Variants in GRK3 observed in about 807,000 individuals in gnomAD.
GRK3 encodes the protein adrenergic, beta, receptor kinase 2.
A neutral mutation model predicts 95.7 loss-of-function variants in GRK3; 54 were observed. The observed-to-expected ratio is 0.56, with a 90% CI of 0.45 to 0.71. GRK3 has a LOEUF of 0.71. Ranked by LOEUF, GRK3 falls within the 30% of genes least tolerant of loss-of-function variation. The pLI, the probability that GRK3 is intolerant of heterozygous loss-of-function variation, is 0.00. For synonymous variants in GRK3, 281 were observed against 290.8 expected (o/e 0.97, Z 0.34); for missense variants, 649 against 851.2 (o/e 0.76, Z 2.96).
At chr22:25,682,747 A>G (rs539633041) in intron 9 of GRK3, among the ~76,000 whole-genome samples, 1 of 152,228 alleles carries the variant, frequency 6.6e-6, no homozygotes, top group African/African-American at 2.4e-5. Context: ...ATGAATTTTC[A>G]TAAGGGAATA....
chr22:25,654,773 A>G (rs962659452), intron 3 of GRK3, among the ~76,000 whole-genome samples: 2 of 152,162 alleles, frequency 1.3e-5, no homozygotes, highest in African/African-American at 4.8e-5. Context: ...CTTATTGCAG[A>G]TATGGTGGTG....
chr22:25,634,747 G>T (rs944775826), intron 2 of GRK3, among the ~76,000 whole-genome samples: 3 of 152,044 alleles, frequency 2.0e-5, no homozygotes, highest in Admixed American at 6.6e-5. Flanking sequence ...ATTATAAAAG[G>T]AATAAATATT....
intron 2 of GRK3, among the ~76,000 whole-genome samples, 153 bp downstream of exon 2, chr22:25,604,606 A>G (rs2084431514): frequency 6.6e-6 from 1 of 152,254 alleles, no homozygotes; most frequent in South Asian, 2.1e-4. Flanking sequence ...AAGGTATTTA[A>G]TGATGACTTA....
chr22:25,584,252 A>G (rs1932210407), intron 1 of GRK3, among the ~76,000 whole-genome samples: 2 of 152,272 alleles, frequency 1.3e-5, no homozygotes, highest in African/African-American at 4.8e-5. Flanking sequence ...TGAAAATGTT[A>G]CATGGAAAAT....
intron 18 of GRK3, among the ~76,000 whole-genome samples, chr22:25,714,870 C>G (rs887333351): frequency 6.6e-6 from 1 of 152,042 alleles, no homozygotes; most frequent in Non-Finnish European, 1.5e-5. Context: ...ATGACAGTGT[C>G]TGGAGTGGGG....
In GRK3 at chr22:25,687,656, A is replaced by C. The variant is rs1569195664; in HGVS notation, c.946A>C (p.Arg316=). The change falls in exon 11 of 21, where the codon AGA becomes CGA. Residue 316 remains arginine, a synonymous_variant. Coordinates refer to ENST00000324198, the MANE Select transcript of GRK3 (RefSeq NM_005160.4). ...EHMHNRFVVY[R]DLKPANILLD... is the part of the protein sequence containing the mutation. ...CATGCACAATCGGTTTGTTGTCTAC[A>C]GAGATTTGAAGGTGAGGACGATTGA... 1 of 1,614,152 alleles carries C rather than the reference A, an allele frequency of 6.2e-7. No individual in the cohort carries two copies. Among genetic ancestry groups the C allele is most frequent in the Non-Finnish European group, 8.5e-7 (1 of 1,179,998 alleles).
At chr22:25,670,951 G>A (rs2146412241) in intron 6 of GRK3, among the ~76,000 whole-genome samples, 1 of 151,884 alleles carries the variant, frequency 6.6e-6, no homozygotes, top group African/African-American at 2.4e-5. Context: ...CTACTCGGGA[G>A]GCCGAGGCAG....
At chr22:25,655,760 C>T (rs1021803627) in intron 3 of GRK3, among the ~76,000 whole-genome samples, 2 of 152,096 alleles carry the variant, frequency 1.3e-5, no homozygotes, top group Non-Finnish European at 2.9e-5. Flanking sequence ...AGACACTGTC[C>T]CTGTACTTGA....
intron 2 of GRK3, among the ~76,000 whole-genome samples, chr22:25,625,404 C>G (rs1231370171): frequency 6.6e-6 from 1 of 152,206 alleles, no homozygotes; most frequent in Non-Finnish European, 1.5e-5. Flanking sequence ...TGCGAACTTT[C>G]TGTTATGCCC....
At chr22:25,719,355 C>T (rs1424631697) in intron 19 of GRK3, among the ~76,000 whole-genome samples, 1 of 152,136 alleles carries the variant, frequency 6.6e-6, no homozygotes, top group Non-Finnish European at 1.5e-5. Context: ...ATCCTGTGCC[C>T]TCAGTCTCTC....
At chr22:25,594,273 T>C (rs1338950760) in intron 1 of GRK3, among the ~76,000 whole-genome samples, 3 of 152,224 alleles carry the variant, frequency 2.0e-5, no homozygotes, top group Admixed American at 1.3e-4. Context: ...GTATCATCTA[T>C]GATTTCTTTC....
chr22:25,648,604 C>T (rs2084804633), intron 3 of GRK3: 3 of 1,167,758 alleles, frequency 2.6e-6, no homozygotes, highest in Non-Finnish European at 3.8e-6. Flanking sequence ...AAACTTGTTC[C>T]ACTATATGCT....
At chr22:25,583,443 C>A (rs1267361776) in intron 1 of GRK3, among the ~76,000 whole-genome samples, 12 of 150,906 alleles carry the variant, frequency 8.0e-5, no homozygotes, top group Non-Finnish European at 1.5e-5. Flanking sequence ...CTTACACAGT[C>A]CTTCCCCTTG....
intron 2 of GRK3, among the ~76,000 whole-genome samples, chr22:25,607,332 A>G (rs2084458143): frequency 6.6e-6 from 1 of 151,900 alleles, no homozygotes; most frequent in Non-Finnish European, 1.5e-5. Flanking sequence ...TTTATTGTCA[A>G]ATTTCTCTGA....
At chr22:25,618,621 T>A (rs1437141880) in intron 2 of GRK3, among the ~76,000 whole-genome samples, 2 of 152,214 alleles carry the variant, frequency 1.3e-5, no homozygotes, top group Admixed American at 1.3e-4. Context: ...TCTAACTGTT[T>A]TCTGTTTGTT....
At position 25,568,792 on chromosome 22, in the gene GRK3, T is replaced by A. The variant is rs562876882; in HGVS notation, c.113+3639T>A. ...AGCGTTTGGATGACTTTTATTACTC[T>A]ATATGCATAGAATATAGAATAATAA... On this transcript the variant is annotated intron_variant, in intron 1 of 20. Coordinates refer to ENST00000324198, the MANE Select transcript of GRK3 (RefSeq NM_005160.4). Among the ~76,000 whole-genome samples, 13 of 152,366 alleles carry A rather than the reference T, an allele frequency of 8.5e-5. No homozygotes were observed. In the East Asian group the frequency reaches 2.1e-3, roughly 25 times the overall value.
At chr22:25,714,843 T>C (rs2085371124) in intron 18 of GRK3, among the ~76,000 whole-genome samples, 1 of 152,134 alleles carries the variant, frequency 6.6e-6, no homozygotes, top group Non-Finnish European at 1.5e-5. Context: ...TGGACGTTTT[T>C]TCCTTCCAGA....
chr22:25,675,943 C>G (rs2085025162), intron 8 of GRK3, among the ~76,000 whole-genome samples: 1 of 152,190 alleles, frequency 6.6e-6, no homozygotes, highest in South Asian at 2.1e-4. Flanking sequence ...GGTATCACAC[C>G]TGCTACGTCA....
intron 3 of GRK3, among the ~76,000 whole-genome samples, chr22:25,655,738 G>A (rs548780255): frequency 7.9e-5 from 12 of 152,222 alleles, no homozygotes; most frequent in Admixed American, 2.6e-4. Flanking sequence ...CAGACCCTGA[G>A]CTTACAAATG....
Sources: allele counts gnomAD v4.1 joint callset (sites outside exome capture counted in the v4.1 genomes callset), GRCh38; gene constraint gnomAD v4.1.1; transcripts MANE v1.5; gene names NCBI Gene and HGNC (gene_info 2026-07-23, HGNC 2026-07-21).